The following CDH2 variants were observed in gnomAD, a reference collection of about 807,000 sequenced individuals.
The protein encoded by CDH2 is cadherin-2.
Under a neutral mutation model 92.0 loss-of-function variants are expected in CDH2, and 17 were observed. The ratio of observed to expected loss-of-function variants is 0.18; its 90% CI spans 0.13 to 0.28. The LOEUF (loss-of-function observed/expected upper bound fraction) is 0.28. Ranked by LOEUF, CDH2 falls within the 10% of genes least tolerant of loss-of-function variation. The pLI, the probability that CDH2 is intolerant of heterozygous loss-of-function variation, is 1.00. For missense variants in CDH2, 862 were observed against 1,133.1 expected (o/e 0.76, Z 3.44); for synonymous variants, 419 against 415.9 (o/e 1.01, Z -0.09).
chr18:28,112,216 G>C (rs2015424582), intron 2 of CDH2, among the ~76,000 whole-genome samples: 1 of 152,216 alleles, frequency 6.6e-6, no homozygotes, highest in East Asian at 1.9e-4. Flanking sequence ...CACTATAAAT[G>C]CAAGACTCTG....
chr18:28,121,632 C>G (rs79085078), intron 2 of CDH2, among the ~76,000 whole-genome samples: 1 of 152,122 alleles, frequency 6.6e-6, no homozygotes, highest in East Asian at 1.9e-4. Flanking sequence ...TTCTTTATCA[C>G]TTTCATCAAT....
chr18:28,060,543 T>C (rs1265103358), intron 2 of CDH2, among the ~76,000 whole-genome samples: 2 of 152,192 alleles, frequency 1.3e-5, no homozygotes, highest in African/African-American at 2.4e-5. Context: ...CTATCTAATA[T>C]AGTTACCCTA....
Position 28,013,700 on chromosome 18 carries a change from T to C in CDH2, c.382A>G (p.Thr128Ala), listed in dbSNP as rs751016097. The C allele has an allele frequency of 2.5e-6, 4 of 1,613,442 alleles. No homozygotes were observed. The highest frequency in any genetic ancestry group is 1.3e-5 in the African/African-American group (1 of 74,892). The part of the protein sequence containing the change: ...AVKLSLKPTL[T>A]EESVKESAEV... Reference sequence around the variant, plus strand: ...TACTATACCTTCACTGACTCCTCAGTTAAGGTTGGCTTCAGGCTCAATTTT... The same window carrying C: ...TACTATACCTTCACTGACTCCTCAGCTAAGGTTGGCTTCAGGCTCAATTTT... Residue 128 changes from threonine to alanine, a missense_variant, in exon 3 of 16, where the codon ACT (threonine) becomes GCT (alanine). By Grantham distance (58) the Thr-to-Ala change is moderately conservative (BLOSUM62 0). Around this residue, in one of 5 missense-constraint regions of CDH2, gnomAD observed 159 missense variants for 177.2 expected, o/e 0.90. Coordinates refer to ENST00000269141, the MANE Select transcript of CDH2 (RefSeq NM_001792.5).
chr18:28,043,098 C>T (rs2013980241), intron 2 of CDH2, among the ~76,000 whole-genome samples: 1 of 151,958 alleles, frequency 6.6e-6, no homozygotes, highest in African/African-American at 2.4e-5. Context: ...TATATATACA[C>T]CATGGAATAC....
At chr18:28,118,945 T>C (rs868851043) in intron 2 of CDH2, among the ~76,000 whole-genome samples, 29 of 152,106 alleles carry the variant, frequency 1.9e-4, no homozygotes, top group South Asian at 4.1e-4. Context: ...TCTAATTAAA[T>C]AGACATAAAT....
At chr18:28,053,628 T>G (rs2014235498) in intron 2 of CDH2, among the ~76,000 whole-genome samples, 3 of 152,222 alleles carry the variant, frequency 2.0e-5, no homozygotes, top group Non-Finnish European at 4.4e-5. Flanking sequence ...CTCACTTCTG[T>G]TTTCTTTCTG....
rs565956604 is a variant in CDH2 at position 27,984,467 on chromosome 18, G to A, written c.2209+533C>T. ...CTAAAGACAGACAATCTACTGAGCT[G>A]TGTAATCATTTCTATTATCAAATGT... On this transcript the variant is annotated intron_variant, in intron 13 of 15. Coordinates refer to ENST00000269141, the MANE Select transcript of CDH2 (RefSeq NM_001792.5). 3.1e-4 allele frequency among the ~76,000 whole-genome samples: 47 copies of A among 152,328 alleles called. No individual in the cohort carries two copies. In the South Asian group the frequency reaches 7.7e-3, roughly 25 times the overall value.
intron 2 of CDH2, among the ~76,000 whole-genome samples, chr18:28,061,966 G>A (rs576650674): frequency 1.3e-5 from 2 of 152,198 alleles, no homozygotes; most frequent in South Asian, 4.1e-4. Flanking sequence ...ATGAGATTTG[G>A]GCAGGGACAC....
chr18:28,010,890 T>G (rs1402596845), intron 4 of CDH2, among the ~76,000 whole-genome samples: 1 of 151,558 alleles, frequency 6.6e-6, no homozygotes, highest in Non-Finnish European at 1.5e-5. Flanking sequence ...GACCTCGTGA[T>G]CTGCCCACCT....
In CDH2 at chr18:28,005,933, T is replaced by C; in HGVS notation, c.763A>G (p.Ile255Val). The change falls in exon 6 of 16, where the codon ATC becomes GTC. Residue 255 changes from isoleucine to valine, a missense_variant. Transcript: ENST00000269141. ...NQVENPIDIVINVIDMNDNRP... is the reference protein window; with the variant it reads ...NQVENPIDIVVNVIDMNDNRP... ...TTGTCATTCATGTCAATAACATTGATGACAATGTCAATGGGGTTCTCCACT... is the reference window on the plus strand; with the variant it reads ...TTGTCATTCATGTCAATAACATTGACGACAATGTCAATGGGGTTCTCCACT... The C allele has an allele frequency of 6.2e-7, 1 of 1,608,222 alleles. No individual in the cohort carries two copies.
chr18:27,948,761 A>G (rs1909338067), downstream of CDH2, among the ~76,000 whole-genome samples: 1 of 151,896 alleles, frequency 6.6e-6, no homozygotes, highest in African/African-American at 2.4e-5. Flanking sequence ...AAACTTTTAA[A>G]TGTGTGTGAT....
At chr18:28,117,183 C>T (rs1033396210) in intron 2 of CDH2, among the ~76,000 whole-genome samples, 4 of 152,082 alleles carry the variant, frequency 2.6e-5, no homozygotes, top group African/African-American at 9.7e-5. Context: ...GGCATCCACT[C>T]ACATACTTGT....
In CDH2 at chr18:27,994,742, C is replaced by T. The variant is rs1031493702; in HGVS notation, c.1021-1105G>A. Among the ~76,000 whole-genome samples the T allele has an allele frequency of 7.9e-5, 12 of 152,036 alleles. No homozygotes were observed. The South Asian group carries it at 1.0e-3, about 13-fold the overall frequency. On this transcript the variant is annotated intron_variant, in intron 7 of 15. Transcript: ENST00000269141. ...AGGGATTTCTGGAGCTTAGATAGAA[C>T]ACACACAAATTGTAGCTTTTGATTT...
At chr18:28,164,481 AC>A (rs1184309816) in intron 1 of CDH2, among the ~76,000 whole-genome samples, 1 of 152,178 alleles carries the variant, frequency 6.6e-6, no homozygotes, top group Non-Finnish European at 1.5e-5. Context: ...TCGTCAATAA[AC>A]CATCAGCACC....
intron 1 of CDH2, among the ~76,000 whole-genome samples, chr18:28,175,556 G>C (rs2016525547): frequency 1.3e-5 from 2 of 151,786 alleles, no homozygotes; most frequent in Non-Finnish European, 2.9e-5. Flanking sequence ...TCTAGGGGTT[G>C]CGGGAGAAAG....
At chr18:28,070,499 C>T (rs970546436) in intron 2 of CDH2, among the ~76,000 whole-genome samples, 2 of 152,166 alleles carry the variant, frequency 1.3e-5, no homozygotes, top group East Asian at 1.9e-4. Context: ...AGACTATAAT[C>T]GACCAACACA....
intron 2 of CDH2, among the ~76,000 whole-genome samples, chr18:28,120,475 CT>C (rs2015569117): frequency 6.6e-6 from 1 of 152,022 alleles, no homozygotes; most frequent in African/African-American, 2.4e-5. Flanking sequence ...ATATACATCA[CT>C]TAGTTTTCTC....
At position 28,011,810 on chromosome 18, in the gene CDH2, T is replaced by C. The variant is rs752778959; in HGVS notation, c.546+36A>G. 2.9e-5 allele frequency: 47 copies of C among 1,595,502 alleles called. 1 individual carries two copies. Among genetic ancestry groups the C allele is most frequent in the South Asian group, 2.6e-4 (23 of 89,330 alleles). ...AAATATTTTTAACATACATTTGTCTTGTGGTATGAAAACAGTTAAAATTGT... is the reference window on the plus strand; with the variant it reads ...AAATATTTTTAACATACATTTGTCTCGTGGTATGAAAACAGTTAAAATTGT... On this transcript the variant is annotated intron_variant, in intron 4 of 15. Coordinates refer to ENST00000269141, the MANE Select transcript of CDH2 (RefSeq NM_001792.5).
chr18:27,991,995 T>C (rs959237942), intron 9 of CDH2, among the ~76,000 whole-genome samples: 1 of 152,232 alleles, frequency 6.6e-6, no homozygotes, highest in Admixed American at 6.5e-5. Flanking sequence ...GCTTCTAGCA[T>C]GCAACTGTTT....
Sources: allele counts gnomAD v4.1 joint callset (sites outside exome capture counted in the v4.1 genomes callset), GRCh38; gene constraint gnomAD v4.1.1; regional missense constraint gnomAD v4.1.1; transcripts MANE v1.5; gene names NCBI Gene and HGNC (gene_info 2026-07-23, HGNC 2026-07-21).